NELL1: variants seen among roughly 807,000 people sequenced by gnomAD.
NELL1 encodes the protein neural EGFL like 1, also known as protein kinase C-binding protein NELL1.
A neutral mutation model predicts 107.4 loss-of-function variants in NELL1; 76 were observed. The observed-to-expected ratio is 0.71, with a 90% CI of 0.59 to 0.86. NELL1 has a LOEUF of 0.86. Among genes scored for constraint, NELL1 ranks in the 40% least tolerant of loss-of-function variants. The probability of loss-of-function intolerance (pLI) is 0.00; values close to 1 mark genes in which losing one functional copy is unlikely to be tolerated. For synonymous variants in NELL1, 353 were observed against 341.2 expected, an observed-to-expected ratio of 1.03 and a Z score of -0.38; for missense variants, 1,024 against 1,005.5, an observed-to-expected ratio of 1.02 and a Z score of -0.25.
chr11:21,500,489 A>G lies in NELL1; in HGVS notation c.1646-33885A>G, dbSNP rs557505709. 6.6e-5 allele frequency among the ~76,000 whole-genome samples: 10 copies of G among 152,192 alleles called. No homozygotes were observed. The South Asian group carries it at 2.1e-3, about 32-fold the overall frequency. On this transcript the variant is annotated intron_variant, in intron 15 of 19. Transcript: ENST00000357134. Reference sequence around the variant, plus strand: ...TGTATTTAGAAACATCCAATTTATTATTTGTCCTTTATGACTTTAATATTT... The same window carrying G: ...TGTATTTAGAAACATCCAATTTATTGTTTGTCCTTTATGACTTTAATATTT...
chr11:21,068,383 A>G (rs553916360), intron 12 of NELL1, among the ~76,000 whole-genome samples: 1 of 152,342 alleles, frequency 6.6e-6, no homozygotes, highest in African/African-American at 2.4e-5. Context: ...GAGTTAATAA[A>G]TAGTAGAGTC....
Position 20,728,959 on chromosome 11 carries a change from C to A in NELL1, c.184+50899C>A, listed in dbSNP as rs139042168. Among the ~76,000 whole-genome samples, 1,199 of 152,132 alleles carry A rather than the reference C, an allele frequency of 7.9e-3. 14 individuals are homozygous for A. Among genetic ancestry groups the A allele is most frequent in the African/African-American group, 0.028 (1,146 of 41,526 alleles). ...AAAAGAATGGAATACTTTTTCAAAT[C>A]TTTGTGTCATCTATGATTTCCTTTA... On this transcript the variant is annotated intron_variant, in intron 2 of 19. Coordinates refer to ENST00000357134, the MANE Select transcript of NELL1 (RefSeq NM_006157.5).
chr11:20,926,938 G>C (rs567590996), intron 7 of NELL1: 2 of 165,200 alleles, frequency 1.2e-5, no homozygotes, highest in African/African-American at 4.8e-5. Flanking sequence ...TAAGTGCCTC[G>C]GAGTTCCTGA....
chr11:20,757,168 T>G (rs1282254426), intron 2 of NELL1, among the ~76,000 whole-genome samples: 1 of 152,140 alleles, frequency 6.6e-6, no homozygotes, highest in African/African-American at 2.4e-5. Context: ...CTTAGTTTTT[T>G]TTTTTTAAAT....
At chr11:21,444,746 C>T (rs924469755) in intron 15 of NELL1, among the ~76,000 whole-genome samples, 2 of 151,994 alleles carry the variant, frequency 1.3e-5, no homozygotes, top group Non-Finnish European at 2.9e-5. Context: ...CAATTATACT[C>T]TTCTAGTTAT....
intron 12 of NELL1, among the ~76,000 whole-genome samples, chr11:20,994,495 A>G (rs903195090): frequency 6.6e-6 from 1 of 152,266 alleles, no homozygotes; most frequent in Non-Finnish European, 1.5e-5. Context: ...ATACTTTGAC[A>G]TCCACAATTA....
chr11:20,922,548 T>C (rs1564968425), intron 7 of NELL1, among the ~76,000 whole-genome samples: 1 of 152,062 alleles, frequency 6.6e-6, no homozygotes, highest in Non-Finnish European at 1.5e-5. Flanking sequence ...GCAAAAAGAA[T>C]TCTATGGCAC....
chr11:21,052,109 G>C (rs2102791), intron 12 of NELL1, among the ~76,000 whole-genome samples: 6 of 151,482 alleles, frequency 4.0e-5, no homozygotes, highest in Non-Finnish European at 8.8e-5. Context: ...TCTGGAGAAG[G>C]GTGTTTCAGG....
At chr11:20,863,518 G>C (rs559035155) in intron 4 of NELL1, among the ~76,000 whole-genome samples, 9 of 150,964 alleles carry the variant, frequency 6.0e-5, no homozygotes, top group African/African-American at 1.5e-4. Context: ...GGTCGCGGCC[G>C]GGCAGAGGTG....
chr11:21,172,176 C>T (rs1361375099), intron 13 of NELL1, among the ~76,000 whole-genome samples: 2 of 151,808 alleles, frequency 1.3e-5, no homozygotes, highest in Admixed American at 6.6e-5. Context: ...TCTCATCTGG[C>T]CTATATGTCT....
At chr11:21,303,777 T>G (rs1046936162) in intron 14 of NELL1, among the ~76,000 whole-genome samples, 1 of 152,006 alleles carries the variant, frequency 6.6e-6, no homozygotes, top group Non-Finnish European at 1.5e-5. Context: ...ATCACTCAGG[T>G]TGAAACTATA....
chr11:20,783,683 TAGAA>T lies in NELL1; in HGVS notation c.192_195del (p.Glu66SerfsTer7). Reference sequence around the variant, plus strand: ...TGCTTTTCTTCTTGATTCCTAGACATAGAAAGAGAGATCCATGCAGCTCCTCATG... The same window carrying T: ...TGCTTTTCTTCTTGATTCCTAGACATAGAGAGATCCATGCAGCTCCTCATG... On this transcript the variant is annotated frameshift_variant, in exon 3 of 20. Transcript: ENST00000357134. LOFTEE classifies it high-confidence loss of function. The T allele has an allele frequency of 6.2e-7, 1 of 1,612,572 alleles. No individual in the cohort carries two copies. Among genetic ancestry groups the T allele is most frequent in the Non-Finnish European group, 8.5e-7 (1 of 1,179,232 alleles).
chr11:20,922,708 G>A (rs949582194), intron 7 of NELL1, among the ~76,000 whole-genome samples: 2 of 152,142 alleles, frequency 1.3e-5, no homozygotes, highest in African/African-American at 4.8e-5. Context: ...ATAGGTCATA[G>A]TGGAGATAGA....
chr11:20,829,223 ATTTTT>A (rs758970966), intron 3 of NELL1, among the ~76,000 whole-genome samples: 1 of 118,896 alleles, frequency 8.4e-6, no homozygotes, highest in African/African-American at 3.3e-5. Context: ...CTGCAGGACT[ATTTTT>A]TTTTTTTTTT....
chr11:20,905,696 T>G (rs1849981495), intron 5 of NELL1, among the ~76,000 whole-genome samples: 1 of 151,962 alleles, frequency 6.6e-6, no homozygotes, highest in South Asian at 2.1e-4. Flanking sequence ...GAATGAGTAA[T>G]GGAACTTAAA....
rs528872245 is a variant in NELL1, at chr11:20,815,772, A to G, written c.336-31811A>G. On this transcript the variant is annotated intron_variant, in intron 3 of 19. Coordinates refer to ENST00000357134, the MANE Select transcript of NELL1 (RefSeq NM_006157.5). ...GTATTTCCTAGATTTTCTTCTAGGAATTTTATAATTTGAGGTCCTACTTTT... is the reference window on the plus strand; with the variant it reads ...GTATTTCCTAGATTTTCTTCTAGGAGTTTTATAATTTGAGGTCCTACTTTT... Among the ~76,000 whole-genome samples, 9 of 152,226 alleles carry G rather than the reference A, an allele frequency of 5.9e-5. No homozygotes were observed. In the South Asian group the frequency reaches 1.9e-3, roughly 32 times the overall value.
At chr11:21,528,515 C>CA (rs899509021) in intron 15 of NELL1, among the ~76,000 whole-genome samples, 7 of 42,462 alleles carry the variant, frequency 1.6e-4, no homozygotes, top group Non-Finnish European at 3.0e-4. Context: ...ATACCCACCC[C>CA]CCCCCCCTTT....
chr11:20,693,367 G>A (rs899831965), intron 2 of NELL1, among the ~76,000 whole-genome samples: 3 of 151,952 alleles, frequency 2.0e-5, no homozygotes, highest in Non-Finnish European at 2.9e-5. Flanking sequence ...AGTTGATGCA[G>A]TTTCTTCCTA....
chr11:21,089,639 A>G (rs1016691199), intron 12 of NELL1, among the ~76,000 whole-genome samples: 1 of 152,236 alleles, frequency 6.6e-6, no homozygotes, highest in African/African-American at 2.4e-5. Flanking sequence ...TTGTTTCTGC[A>G]AGCTGCAAAG....
Sources: allele counts gnomAD v4.1 joint callset (sites outside exome capture counted in the v4.1 genomes callset), GRCh38; gene constraint gnomAD v4.1.1; transcripts MANE v1.5; gene names NCBI Gene and HGNC (gene_info 2026-07-23, HGNC 2026-07-21).